EIF4G3: variants seen among roughly 807,000 people sequenced by gnomAD.
EIF4G3 encodes the protein eukaryotic translation initiation factor 4 gamma 3, also known as eIF-4-gamma 3.
EIF4G3 carries 34 observed loss-of-function variants against 186.4 expected under a neutral mutation model. The observed-to-expected ratio is 0.18, with a 90% CI of 0.14 to 0.24. The LOEUF (loss-of-function observed/expected upper bound fraction) is 0.24. Ranked by LOEUF, EIF4G3 falls within the 10% of genes least tolerant of loss-of-function variation. The pLI is 1.00. For missense variants in EIF4G3, 1,536 were observed against 1,948.5 expected (o/e 0.79, Z 3.99); for synonymous variants, 673 against 679.5 (o/e 0.99, Z 0.15).
intron 2 of EIF4G3, among the ~76,000 whole-genome samples, chr1:21,131,234 T>A (rs2097145575): frequency 1.5e-5 from 1 of 65,514 alleles, no homozygotes; most frequent in Non-Finnish European, 3.5e-5. Context: ...AGTGAGATTC[T>A]GCCTCAAAAA....
At chr1:21,133,323 C>T (rs1486030429) in intron 2 of EIF4G3, among the ~76,000 whole-genome samples, 3 of 152,076 alleles carry the variant, frequency 2.0e-5, no homozygotes, top group Non-Finnish European at 4.4e-5. Context: ...CTCCCAGGTT[C>T]CAGCAATTCT....
At chr1:21,049,086 G>C (rs1296591375) in intron 4 of EIF4G3, among the ~76,000 whole-genome samples, 2 of 152,214 alleles carry the variant, frequency 1.3e-5, no homozygotes. Context: ...TTGTCTGTGG[G>C]AAACAGATAT....
intron 3 of EIF4G3, among the ~76,000 whole-genome samples, chr1:21,052,056 G>A (rs376853943): frequency 2.0e-5 from 3 of 151,962 alleles, no homozygotes; most frequent in Admixed American, 2.0e-4. Flanking sequence ...AAGCATTACA[G>A]GTATTTATTT....
intron 4 of EIF4G3, among the ~76,000 whole-genome samples, chr1:21,027,266 C>T (rs1459480922): frequency 6.7e-6 from 1 of 148,164 alleles, no homozygotes; most frequent in African/African-American, 2.5e-5. Flanking sequence ...GATCTCAGCT[C>T]CCTGCAACCT....
At chr1:20,844,063 G>A (rs1031114332) in intron 29 of EIF4G3, among the ~76,000 whole-genome samples, 1 of 152,136 alleles carries the variant, frequency 6.6e-6, no homozygotes. Flanking sequence ...TCGTTGATGG[G>A]CATTTAGGTT....
At chr1:20,943,270 T>C (rs1432140357) in intron 13 of EIF4G3, among the ~76,000 whole-genome samples, 1 of 152,148 alleles carries the variant, frequency 6.6e-6, no homozygotes, top group East Asian at 1.9e-4. Flanking sequence ...GAAAACAATA[T>C]ACATATAGTA....
intron 14 of EIF4G3, among the ~76,000 whole-genome samples, chr1:20,922,295 G>T (rs937063122): frequency 1.3e-5 from 2 of 152,018 alleles, no homozygotes; most frequent in Non-Finnish European, 2.9e-5. Flanking sequence ...TCTACTACTA[G>T]CTTCAAAGTC....
chr1:20,954,379 T>C (rs539199657), intron 12 of EIF4G3, among the ~76,000 whole-genome samples: 3 of 150,800 alleles, frequency 2.0e-5, no homozygotes, highest in South Asian at 2.1e-4. Context: ...CCACTAAAAA[T>C]ACAAAAATAA....
Position 20,942,258 on chromosome 1 carries a change from T to C in EIF4G3, c.896A>G (p.Lys299Arg), listed in dbSNP as rs778094764. Reference sequence around the variant, plus strand: ...AGATGTCTGGCCTTCTTGTTCTTTCTTCTCTCCACTGAGGACTAGCCTAAG... The same window carrying C: ...AGATGTCTGGCCTTCTTGTTCTTTCCTCTCTCCACTGAGGACTAGCCTAAG... ...PVLRLVLSGEKKEQEGQTSET... is the reference protein window; with the variant it reads ...PVLRLVLSGERKEQEGQTSET... Residue 299 changes from lysine (K) to arginine (R), a missense_variant, in exon 14 of 37, where the codon AAG becomes AGG. Physicochemically the swap from Lys to Arg is conservative, Grantham distance 26. Around this residue, in one of 11 missense-constraint regions of EIF4G3, gnomAD observed 560 missense variants for 547.8 expected, o/e 1.02. Coordinates refer to ENST00000602326, the MANE Select transcript of EIF4G3 (RefSeq NM_001391906.1). 1 of 1,613,932 alleles carries C rather than the reference T, an allele frequency of 6.2e-7. No individual in the cohort carries two copies. The highest frequency in any genetic ancestry group is 8.5e-7 in the Non-Finnish European group (1 of 1,179,852).
intron 29 of EIF4G3, among the ~76,000 whole-genome samples, chr1:20,846,945 T>A (rs529153026): frequency 2.6e-5 from 4 of 152,338 alleles, no homozygotes; most frequent in African/African-American, 9.6e-5. Flanking sequence ...TTTGAATCAC[T>A]GTTAAAAACA....
chr1:20,955,678 A>T (rs2096392454), intron 12 of EIF4G3, among the ~76,000 whole-genome samples: 1 of 152,178 alleles, frequency 6.6e-6, no homozygotes, highest in Non-Finnish European at 1.5e-5. Flanking sequence ...GCAGTTACTT[A>T]ATTTTACTTA....
At chr1:21,110,318 C>T (rs1469559113) in intron 2 of EIF4G3, among the ~76,000 whole-genome samples, 1 of 150,080 alleles carries the variant, frequency 6.7e-6, no homozygotes, top group Non-Finnish European at 1.5e-5. Flanking sequence ...TTTTTTAAGA[C>T]GGAGTCTCGC....
At chr1:21,038,847 TAGAA>T (rs1255535612) in intron 4 of EIF4G3, among the ~76,000 whole-genome samples, 4 of 152,170 alleles carry the variant, frequency 2.6e-5, no homozygotes, top group African/African-American at 9.7e-5. Context: ...TTCACCTACT[TAGAA>T]AAAGAATGTT....
chr1:20,938,003 C>A (rs1440499941), intron 14 of EIF4G3, among the ~76,000 whole-genome samples: 1 of 148,264 alleles, frequency 6.7e-6, no homozygotes. Flanking sequence ...CTGATGCTTT[C>A]TTTTTTTTTT....
At chr1:21,051,545 T>C (rs34215257) in intron 3 of EIF4G3, among the ~76,000 whole-genome samples, 4,230 of 152,298 alleles carry the variant, frequency 0.028, 88 homozygotes, top group Non-Finnish European at 0.038. Flanking sequence ...CATAATCTCA[T>C]TTTTGTCTTT....
At chr1:21,024,901 TAA>T (rs71569804) in intron 4 of EIF4G3, among the ~76,000 whole-genome samples, 18 of 143,134 alleles carry the variant, frequency 1.3e-4, no homozygotes, top group African/African-American at 4.7e-4. Flanking sequence ...AAAATAAATT[TAA>T]AAAAAAAAAA....
Position 21,040,928 on chromosome 1 carries a change from A to C in EIF4G3, c.-67+9938T>G, listed in dbSNP as rs1365225357. On this transcript the variant is annotated intron_variant, in intron 4 of 36. Coordinates refer to ENST00000602326, the MANE Select transcript of EIF4G3 (RefSeq NM_001391906.1). Reference sequence around the variant, plus strand: ...GCAAACGTCACCCTGTAACCAATTCAGGTGTTTCTGTACCTCACTTCTGAT... The same window carrying C: ...GCAAACGTCACCCTGTAACCAATTCCGGTGTTTCTGTACCTCACTTCTGAT... Among the ~76,000 whole-genome samples, 3 of 151,946 alleles carry C rather than the reference A, an allele frequency of 2.0e-5. No individual in the cohort carries two copies. In the South Asian group the frequency reaches 6.2e-4, roughly 31 times the overall value.
chr1:21,036,625 A>T (rs767213108), intron 4 of EIF4G3, among the ~76,000 whole-genome samples: 3 of 152,162 alleles, frequency 2.0e-5, no homozygotes, highest in Non-Finnish European at 2.9e-5. Flanking sequence ...CACACCTGTA[A>T]TCCCAACACT....
intron 4 of EIF4G3, among the ~76,000 whole-genome samples, chr1:21,036,808 G>A (rs1487902518): frequency 1.3e-5 from 2 of 152,140 alleles, no homozygotes; most frequent in Admixed American, 6.5e-5. Flanking sequence ...TTGAGCCCAG[G>A]AGGTAGAGGT....
Sources: allele counts gnomAD v4.1 joint callset (sites outside exome capture counted in the v4.1 genomes callset), GRCh38; gene constraint gnomAD v4.1.1; regional missense constraint gnomAD v4.1.1; transcripts MANE v1.5; gene names NCBI Gene and HGNC (gene_info 2026-07-23, HGNC 2026-07-21).